Variants in VMP1 observed in about 807,000 individuals in gnomAD.
The protein encoded by VMP1 is vacuole membrane protein 1.
Under a neutral mutation model 56.0 loss-of-function variants are expected in VMP1, and 11 were observed. The observed-to-expected ratio is 0.20, with a 90% CI of 0.12 to 0.32. The LOEUF (loss-of-function observed/expected upper bound fraction) is 0.32, where lower values mean the gene tolerates loss of function less well. Ranked by LOEUF, VMP1 falls within the 10% of genes least tolerant of loss-of-function variation. The pLI, the probability that VMP1 is intolerant of heterozygous loss-of-function variation, is 1.00. For synonymous variants in VMP1, 149 were observed against 165.0 expected, an observed-to-expected ratio of 0.90 and a Z score of 0.74; for missense variants, 296 against 490.3, an observed-to-expected ratio of 0.60 and a Z score of 3.74.
chr17:59,714,713 T>C (rs2034083947), intron 1 of VMP1, among the ~76,000 whole-genome samples: 1 of 152,026 alleles, frequency 6.6e-6, no homozygotes, highest in Non-Finnish European at 1.5e-5. Context: ...CCAGGCTAGA[T>C]TGTTAGATTG....
In VMP1 at chr17:59,735,490, C is replaced by T. The variant is rs753370320; in HGVS notation, c.212+17C>T. On this transcript the variant is annotated intron_variant, in intron 3 of 11. Coordinates refer to ENST00000262291, the MANE Select transcript of VMP1 (RefSeq NM_030938.5). ...GACCTCAAAGTAAAGAGTCTTCTCC[C>T]ACTACCTTTTACATACACCTCATTT... 2.5e-6 allele frequency: 4 copies of T among 1,613,338 alleles called. No homozygotes were observed. The African/African-American group carries it at 5.3e-5, about 22-fold the overall frequency.
chr17:59,792,619 C>T lies in VMP1; in HGVS notation c.715-16177C>T, dbSNP rs8069619. ...GTGGCTCATGCCTGTAATCCTAGCA[C>T]TTTGGGAGGCCGAGGCGGGCGGATC... On this transcript the variant is annotated intron_variant, in intron 7 of 11. Coordinates refer to ENST00000262291, the MANE Select transcript of VMP1 (RefSeq NM_030938.5). 4.2e-3 allele frequency among the ~76,000 whole-genome samples: 635 copies of T among 151,734 alleles called. 2 individuals are homozygous for T. Among genetic ancestry groups the T allele is most frequent in the African/African-American group, 0.015 (605 of 41,382 alleles).
chr17:59,836,164 G>A (rs2144344702), intron 10 of VMP1, among the ~76,000 whole-genome samples: 1 of 151,016 alleles, frequency 6.6e-6, no homozygotes, highest in South Asian at 2.1e-4. Flanking sequence ...TGTCTGTTCA[G>A]GCCTTTTGTA....
chr17:59,828,731 A>C (rs2038718731), intron 10 of VMP1, among the ~76,000 whole-genome samples: 1 of 152,208 alleles, frequency 6.6e-6, no homozygotes, highest in Admixed American at 6.5e-5. Context: ...CTGGATGTAA[A>C]GAAACATGAT....
intron 10 of VMP1, among the ~76,000 whole-genome samples, chr17:59,824,444 G>T (rs187859092): frequency 1.3e-5 from 2 of 150,422 alleles, no homozygotes; most frequent in African/African-American, 4.9e-5. Context: ...GTGGGGGTGG[G>T]CGTCTATAAT....
intron 5 of VMP1, among the ~76,000 whole-genome samples, chr17:59,760,665 G>T (rs181873276): frequency 2.0e-5 from 3 of 152,134 alleles, no homozygotes; most frequent in Non-Finnish European, 1.5e-5. Flanking sequence ...TCTGACGTCA[G>T]GCTGGAGTGC....
intron 7 of VMP1, chr17:59,784,752 CA>C (rs1359886771): frequency 3.3e-5 from 5 of 152,058 alleles, no homozygotes; most frequent in African/African-American, 1.2e-4. Flanking sequence ...AGTAATTTTA[CA>C]AAGAAAGGAA....
rs907281446 is a variant in VMP1, at chr17:59,738,723, T to C, written c.304-114T>C. ...CCTCTTCAATGGGTTTTTAATCTTA[T>C]TAGTTTTTTCCTATTTGAAACTTAC... is the stretch of plus-strand genomic sequence containing the variant. On this transcript the variant is annotated intron_variant, in intron 4 of 11. Transcript: ENST00000262291. 2.4e-5 allele frequency: 18 copies of C among 746,664 alleles called. No individual in the cohort carries two copies. The South Asian group carries it at 2.6e-4, about 11-fold the overall frequency. 46.3% of individuals were successfully genotyped at this position (746,664 alleles called of 1,614,324 possible).
In VMP1 at chr17:59,772,551, C is replaced by T. The variant is rs190222703; in HGVS notation, c.583-1203C>T. 8.6e-5 allele frequency among the ~76,000 whole-genome samples: 13 copies of T among 151,634 alleles called. No homozygotes were observed. The East Asian group carries it at 2.4e-3, about 28-fold the overall frequency. Reference sequence around the variant, plus strand: ...TGGGAGGCCGAGGCGGGTGAATCACCTAAAGTCAGGAGTTCGAGACCAGCC... The same window carrying T: ...TGGGAGGCCGAGGCGGGTGAATCACTTAAAGTCAGGAGTTCGAGACCAGCC... On this transcript the variant is annotated intron_variant, in intron 6 of 11. Coordinates refer to ENST00000262291, the MANE Select transcript of VMP1 (RefSeq NM_030938.5).
At chr17:59,713,016 G>A (rs568743057) in intron 1 of VMP1, among the ~76,000 whole-genome samples, 1 of 152,258 alleles carries the variant, frequency 6.6e-6, no homozygotes, top group South Asian at 2.1e-4. Context: ...ACTTGGTCCT[G>A]GGTTAGATGA....
chr17:59,824,585 A>G (rs931022580), intron 10 of VMP1, among the ~76,000 whole-genome samples: 3 of 148,586 alleles, frequency 2.0e-5, no homozygotes, highest in African/African-American at 7.5e-5. Flanking sequence ...AAAAAAAAAA[A>G]AAAAGGACCA....
At chr17:59,765,562 A>G (rs1242206589) in intron 6 of VMP1, among the ~76,000 whole-genome samples, 1 of 152,252 alleles carries the variant, frequency 6.6e-6, no homozygotes, top group African/African-American at 2.4e-5. Context: ...CATATTTTGT[A>G]TGTGTTAATA....
chr17:59,737,314 A>G lies in VMP1; in HGVS notation c.213-139A>G, dbSNP rs577913086. ...CCCTTGACCCCCTTCTGTTACTCCA[A>G]GAGGCCATGATGTGTAAGGAAAAGA... On this transcript the variant is annotated intron_variant, in intron 3 of 11. Transcript: ENST00000262291. The G allele has an allele frequency of 9.3e-5, 63 of 679,872 alleles. No individual in the cohort carries two copies. The African/African-American group carries it at 1.1e-3, about 11-fold the overall frequency. 42.1% of individuals were successfully genotyped at this position (679,872 alleles called of 1,614,324 possible).
rs137888942 is a variant in VMP1 at position 59,744,410 on chromosome 17, C to T, written c.414+5463C>T. Among the ~76,000 whole-genome samples the T allele has an allele frequency of 1.8e-3, 263 of 142,516 alleles. 2 individuals are homozygous for T. The highest frequency in any genetic ancestry group is 6.6e-3 in the African/African-American group (250 of 37,626). The allele number at this position is 142,516 out of a possible 152,430, so 93.5% of individuals were successfully genotyped here. ...CCAGGAGGTGGAGGTTGCAGTGAGCCGAGATTCCACCACTGCACCCCGGCC... is the reference window on the plus strand; with the variant it reads ...CCAGGAGGTGGAGGTTGCAGTGAGCTGAGATTCCACCACTGCACCCCGGCC... On this transcript the variant is annotated intron_variant, in intron 5 of 11. Coordinates refer to ENST00000262291, the MANE Select transcript of VMP1 (RefSeq NM_030938.5).
chr17:59,818,744 A>G (rs1476201676), intron 10 of VMP1, among the ~76,000 whole-genome samples: 1 of 152,222 alleles, frequency 6.6e-6, no homozygotes, highest in Non-Finnish European at 1.5e-5. Context: ...ATCCCAAAAA[A>G]AAAAATTAAT....
chr17:59,746,419 G>A (rs955922894), intron 5 of VMP1, among the ~76,000 whole-genome samples: 1 of 152,260 alleles, frequency 6.6e-6, no homozygotes. Flanking sequence ...TGATCCACCC[G>A]CCTCAGCCTC....
intron 5 of VMP1, among the ~76,000 whole-genome samples, chr17:59,751,608 G>GT (rs1000408141): frequency 4.6e-5 from 4 of 86,378 alleles, no homozygotes; most frequent in African/African-American, 1.8e-4. Context: ...TGGGCGTGGT[G>GT]GGGGGGGCGC....
At chr17:59,732,895 T>G (rs2034885452) in intron 2 of VMP1, among the ~76,000 whole-genome samples, 1 of 152,120 alleles carries the variant, frequency 6.6e-6, no homozygotes, top group South Asian at 2.1e-4. Context: ...AGGCTGGGCG[T>G]GGTGATTCAC....
chr17:59,740,956 G>T (rs915525327), intron 5 of VMP1, among the ~76,000 whole-genome samples: 6 of 152,214 alleles, frequency 3.9e-5, no homozygotes, highest in African/African-American at 1.4e-4. Flanking sequence ...CCAGCATTTT[G>T]AGAAGCCAAG....
Sources: gnomAD v4.1 joint callset for allele counts (sites outside exome capture counted in the v4.1 genomes callset) on GRCh38, gnomAD v4.1.1 for gene constraint, MANE v1.5 for transcripts, NCBI Gene and HGNC (gene_info 2026-07-23, HGNC 2026-07-21) for gene names.